The following NKAIN2 variants were observed in gnomAD, a reference collection of about 807,000 sequenced individuals.
NKAIN2 encodes sodium/potassium-transporting ATPase subunit beta-1-interacting protein 2.
NKAIN2 carries 14 observed loss-of-function variants against 32.6 expected under a neutral mutation model. The observed-to-expected ratio is 0.43, with a 90% confidence interval of 0.28 to 0.67. The LOEUF is 0.67. NKAIN2 is among the 30% of genes least tolerant of loss of function. The pLI is 0.17. For synonymous variants in NKAIN2, 80 were observed against 87.2 expected (o/e 0.92, Z 0.46); for missense variants, 198 against 258.3 (o/e 0.77, Z 1.60).
intron 1 of NKAIN2, among the ~76,000 whole-genome samples, chr6:124,208,311 A>G (rs979924582): frequency 6.6e-6 from 1 of 151,884 alleles, no homozygotes; most frequent in African/African-American, 2.4e-5. Flanking sequence ...TTCTCAGTGT[A>G]ATTTAGCTAG....
At chr6:124,325,962 A>G (rs1340537794) in intron 2 of NKAIN2, among the ~76,000 whole-genome samples, 1 of 151,980 alleles carries the variant, frequency 6.6e-6, no homozygotes, top group Non-Finnish European at 1.5e-5. Context: ...AGAAAGTTTT[A>G]TTGAATTAGA....
chr6:124,430,323 T>C (rs896488101), intron 3 of NKAIN2, among the ~76,000 whole-genome samples: 2 of 152,242 alleles, frequency 1.3e-5, no homozygotes, highest in African/African-American at 2.4e-5. Context: ...GTTCCTATCA[T>C]ATGTTGCTGT....
rs150216912 is a variant in NKAIN2 at position 123,880,953 on chromosome 6, G to T, written c.54+76699G>T. Among the ~76,000 whole-genome samples the T allele has an allele frequency of 7.7e-4, 117 of 152,272 alleles. 1 individual carries two copies. Among genetic ancestry groups the T allele is most frequent in the African/African-American group, 2.7e-3 (111 of 41,550 alleles). ...AAGAATTAGCAAATATAATTCTGTA[G>T]ATTTTCACCAAAGTTATATTACAGG... On this transcript the variant is annotated intron_variant, in intron 1 of 6. Transcript: ENST00000368417.
intron 3 of NKAIN2, among the ~76,000 whole-genome samples, chr6:124,544,040 A>T (rs1259230440): frequency 2.0e-5 from 3 of 152,154 alleles, no homozygotes; most frequent in African/African-American, 7.2e-5. Context: ...ATCATGTTAG[A>T]ATCTGTCAAA....
intron 1 of NKAIN2, among the ~76,000 whole-genome samples, chr6:123,889,003 C>T (rs1773865746): frequency 6.6e-6 from 1 of 151,990 alleles, no homozygotes; most frequent in African/African-American, 2.4e-5. Context: ...CAAGTGTAGA[C>T]CTAGCCTTAA....
chr6:124,486,448 G>C (rs949573602), intron 3 of NKAIN2, among the ~76,000 whole-genome samples: 2 of 152,088 alleles, frequency 1.3e-5, no homozygotes, highest in Non-Finnish European at 2.9e-5. Context: ...TTGTGTTTCA[G>C]ATTTCTGTGT....
intron 1 of NKAIN2, among the ~76,000 whole-genome samples, chr6:124,225,175 A>G (rs547709354): frequency 3.6e-4 from 55 of 152,210 alleles, no homozygotes; most frequent in African/African-American, 1.1e-3. Flanking sequence ...TTCTGTTTCT[A>G]TGTTTTGATA....
At chr6:124,123,607 T>C (rs1786002450) in intron 1 of NKAIN2, among the ~76,000 whole-genome samples, 1 of 152,120 alleles carries the variant, frequency 6.6e-6, no homozygotes, top group Non-Finnish European at 1.5e-5. Context: ...CATCTAGTGA[T>C]TGATAAAAAA....
intron 3 of NKAIN2, among the ~76,000 whole-genome samples, chr6:124,480,950 T>C (rs893613622): frequency 5.3e-5 from 8 of 152,064 alleles, no homozygotes; most frequent in Non-Finnish European, 1.2e-4. Context: ...AAAAATGAAT[T>C]CACAGATTTT....
intron 1 of NKAIN2, among the ~76,000 whole-genome samples, chr6:124,000,758 A>G (rs968856859): frequency 6.6e-6 from 1 of 152,110 alleles, no homozygotes; most frequent in Non-Finnish European, 1.5e-5. Flanking sequence ...AATTGCTAAC[A>G]CATATCTTCC....
At chr6:124,647,039 T>C (rs1784198046) in intron 3 of NKAIN2, among the ~76,000 whole-genome samples, 1 of 151,890 alleles carries the variant, frequency 6.6e-6, no homozygotes, top group South Asian at 2.1e-4. Flanking sequence ...GTAGAGTATA[T>C]ATATATGTCT....
intron 3 of NKAIN2, among the ~76,000 whole-genome samples, chr6:124,544,440 C>A (rs558575167): frequency 1.8e-4 from 27 of 151,070 alleles, no homozygotes; most frequent in Non-Finnish European, 2.7e-4. Context: ...TTAGCAGGTA[C>A]AGCTGTAGAA....
intron 1 of NKAIN2, among the ~76,000 whole-genome samples, chr6:124,223,374 T>G (rs1471227308): frequency 6.6e-6 from 1 of 152,010 alleles, no homozygotes; most frequent in African/African-American, 2.4e-5. Context: ...AAATAATTGA[T>G]GATGCCGGGA....
chr6:124,326,684 C>T (rs1380038637), intron 2 of NKAIN2, among the ~76,000 whole-genome samples: 1 of 151,948 alleles, frequency 6.6e-6, no homozygotes, highest in Admixed American at 6.6e-5. Flanking sequence ...CTGCTCTATA[C>T]TTCTAGATAG....
intron 3 of NKAIN2, among the ~76,000 whole-genome samples, chr6:124,521,732 A>T (rs1474260459): frequency 6.6e-6 from 1 of 152,186 alleles, no homozygotes; most frequent in Non-Finnish European, 1.5e-5. Context: ...AAGAACAGGT[A>T]AAATATTTGG....
chr6:124,229,903 T>A (rs994014289), intron 1 of NKAIN2, among the ~76,000 whole-genome samples: 1 of 152,080 alleles, frequency 6.6e-6, no homozygotes, highest in Non-Finnish European at 1.5e-5. Flanking sequence ...AATGGACTAA[T>A]AAAGTAAATT....
intron 3 of NKAIN2, among the ~76,000 whole-genome samples, chr6:124,528,879 G>A (rs906513955): frequency 6.6e-5 from 10 of 152,100 alleles, no homozygotes; most frequent in Admixed American, 5.9e-4. Flanking sequence ...AACTAAGATT[G>A]CATACTCTTA....
intron 3 of NKAIN2, among the ~76,000 whole-genome samples, chr6:124,364,441 C>T (rs6926562): frequency 0.14 from 20,624 of 151,680 alleles, 2,101 homozygotes; most frequent in African/African-American, 0.29. Context: ...CAAGTGTAAT[C>T]GAGAAAACCA....
At chr6:124,409,516 G>A (rs1797220) in intron 3 of NKAIN2, among the ~76,000 whole-genome samples, 151,586 of 152,298 alleles carry the variant, frequency 1, 75,440 homozygotes, top group Middle Eastern at 1. Context: ...TCCTATGTTG[G>A]ACCAGCCTTG....
Sources: gnomAD v4.1 joint callset for allele counts (sites outside exome capture counted in the v4.1 genomes callset) on GRCh38, gnomAD v4.1.1 for gene constraint, MANE v1.5 for transcripts, NCBI Gene and HGNC (gene_info 2026-07-23, HGNC 2026-07-21) for gene names.